The following EZH1 variants were observed in gnomAD, a reference collection of about 807,000 sequenced individuals.
EZH1 encodes the protein enhancer of zeste 1 polycomb repressive complex 2 subunit.
In EZH1, 33 loss-of-function variants were observed where a neutral mutation model predicts 100.5. That is an observed-to-expected ratio of 0.33 (90% CI 0.25 to 0.44). The LOEUF (loss-of-function observed/expected upper bound fraction) is 0.44. Ranked by LOEUF, EZH1 falls within the 20% of genes least tolerant of loss-of-function variation. EZH1 has a pLI of 1.00. For missense variants in EZH1, 475 were observed against 928.4 expected (o/e 0.51, Z 6.35); for synonymous variants, 272 against 313.8 (o/e 0.87, Z 1.41).
Position 42,706,226 on chromosome 17 carries a change from C to T in EZH1, c.1661-41G>A, listed in dbSNP as rs1414477526. On this transcript the variant is annotated intron_variant, in intron 15 of 20. Coordinates refer to ENST00000428826, the MANE Select transcript of EZH1 (RefSeq NM_001991.5). This position sits in a 1 kb window ranked among gnomAD's most constrained non-coding sequence, Gnocchi z 4.4. Reference sequence around the variant, plus strand: ...AGGTAAGTCTTAGAAGGGAAATAAGCTAATACTGGGGCTTGTGGTTGACTC... The same window carrying T: ...AGGTAAGTCTTAGAAGGGAAATAAGTTAATACTGGGGCTTGTGGTTGACTC... The T allele has an allele frequency of 1.3e-6, 2 of 1,549,600 alleles. No homozygotes were observed. Among genetic ancestry groups the T allele is most frequent in the East Asian group, 4.6e-5 (2 of 43,240 alleles).
At chr17:42,710,635 T>G (rs552427752) in intron 12 of EZH1, among the ~76,000 whole-genome samples, 102 of 150,512 alleles carry the variant, frequency 6.8e-4, no homozygotes, top group Admixed American at 1.5e-3. Flanking sequence ...GTTTGTTTTT[T>G]TTTTTTTTTT....
At position 42,708,877 on chromosome 17, in the gene EZH1, T is replaced by C; in HGVS notation, c.1533A>G (p.Lys511=). ...AAHCRKIQLK[K]DNSSTQVYNY... The stretch of plus-strand genomic sequence containing the variant: ...GAAGAATGCCCTGGTAGAACTTACC[T>C]TTCTTCAGCTGAATCTTCCTGCAGT... The change falls in exon 14 of 21, where the codon AAA becomes AAG. Residue 511 remains lysine, a splice_region_variant and synonymous_variant. Coordinates refer to ENST00000428826, the MANE Select transcript of EZH1 (RefSeq NM_001991.5). 6.2e-7 allele frequency: 1 copy of C among 1,614,172 alleles called. No individual in the cohort carries two copies. Among genetic ancestry groups the C allele is most frequent in the Non-Finnish European group, 8.5e-7 (1 of 1,180,034 alleles).
intron 6 of EZH1, among the ~76,000 whole-genome samples, chr17:42,721,438 T>C (rs946732502): frequency 1.3e-5 from 2 of 152,182 alleles, no homozygotes; most frequent in African/African-American, 4.8e-5. Context: ...CAAAGAAGTA[T>C]GACAGAGAGC....
intron 12 of EZH1, among the ~76,000 whole-genome samples, chr17:42,711,998 G>A (rs2053493025): frequency 6.6e-6 from 1 of 152,006 alleles, no homozygotes; most frequent in South Asian, 2.1e-4. Context: ...TAGAAAGGAG[G>A]CCAGAGCCAA....
At chr17:42,724,934 C>T (rs995287026) in intron 4 of EZH1, among the ~76,000 whole-genome samples, 1 of 151,980 alleles carries the variant, frequency 6.6e-6, no homozygotes, top group Non-Finnish European at 1.5e-5. Flanking sequence ...TTTGGGAGAC[C>T]GAGGCGGGTG....
intron 10 of EZH1, among the ~76,000 whole-genome samples, chr17:42,715,844 C>T (rs1231628568): frequency 1.3e-5 from 2 of 152,096 alleles, no homozygotes; most frequent in Admixed American, 1.3e-4. Flanking sequence ...GTTGGGAGTT[C>T]AAGACCAGCC....
intron 10 of EZH1, 53 bp downstream of exon 10, chr17:42,717,923 G>C: frequency 3.3e-6 from 5 of 1,528,064 alleles, no homozygotes; most frequent in Non-Finnish European, 4.5e-6. Flanking sequence ...TGGCTCACGT[G>C]GCTTGTGTTC....
Position 42,704,683 on chromosome 17 carries a change from G to C in EZH1, c.1936C>G (p.Leu646Val). The change falls in exon 18 of 21, where the codon CTC becomes GTC. Residue 646 changes from leucine to valine, a missense_variant and splice_region_variant. Coordinates refer to ENST00000428826, the MANE Select transcript of EZH1 (RefSeq NM_001991.5). ...NEFISEYCGE[L>V]ISQDEADRRG... ...CGATCAGCCTCATCCTGAGAGATGA[G>C]CTAGAGAGATAGACAAATAACAAAT... is the stretch of plus-strand genomic sequence containing the variant. 6.2e-7 allele frequency: 1 copy of C among 1,613,066 alleles called. No homozygotes were observed. Among genetic ancestry groups the C allele is most frequent in the Non-Finnish European group, 8.5e-7 (1 of 1,179,468 alleles).
chr17:42,703,113 TAG>T, intron 19 of EZH1, 152 bp from the exon 20 acceptor site: 1 of 672,168 alleles, frequency 1.5e-6, no homozygotes. Context: ...TCTATGCTTT[TAG>T]ATCTGTTATT....
At chr17:42,742,641 A>G (rs1224676347) in intron 1 of EZH1, among the ~76,000 whole-genome samples, 3 of 152,164 alleles carry the variant, frequency 2.0e-5, no homozygotes, top group Non-Finnish European at 2.9e-5. Flanking sequence ...CCACAAATAT[A>G]TGTTGAGCAC....
At chr17:42,728,319 G>GT (rs2053865593) in intron 3 of EZH1, among the ~76,000 whole-genome samples, 1 of 149,766 alleles carries the variant, frequency 6.7e-6, no homozygotes, top group African/African-American at 2.5e-5. Flanking sequence ...TCACCAGGTA[G>GT]GACAGGCTGG....
intron 4 of EZH1, among the ~76,000 whole-genome samples, chr17:42,726,577 T>C (rs2143824149): frequency 6.6e-6 from 1 of 151,924 alleles, no homozygotes; most frequent in East Asian, 1.9e-4. Flanking sequence ...AATGGTGCCA[T>C]CTCAGATCAC....
At chr17:42,711,221 C>T (rs1237170559) in intron 12 of EZH1, among the ~76,000 whole-genome samples, 1 of 151,834 alleles carries the variant, frequency 6.6e-6, no homozygotes, top group Non-Finnish European at 1.5e-5. Context: ...TGCCTGTAAT[C>T]CCAGCACTTT....
chr17:42,730,700 G>C (rs1424409270), intron 2 of EZH1, 128 bp downstream of exon 2: 10 of 199,634 alleles, frequency 5.0e-5, no homozygotes, highest in Non-Finnish European at 8.9e-6. Flanking sequence ...GTTTCACCGT[G>C]TTAGCCAGGA....
In EZH1 at chr17:42,718,621, T is replaced by C; in HGVS notation, c.768-4A>G. ...CATCTCTGTTAGTTCTCGATACCTA[T>C]TTAAGAAAAGAGAGATAAGAGTTCC... On this transcript the variant is annotated splice_polypyrimidine_tract_variant and splice_region_variant and intron_variant, in intron 8 of 20. Coordinates refer to ENST00000428826, the MANE Select transcript of EZH1 (RefSeq NM_001991.5). This position sits in a 1 kb window ranked among gnomAD's most constrained non-coding sequence, Gnocchi z 4.2. 6.2e-7 allele frequency: 1 copy of C among 1,613,986 alleles called. No homozygotes were observed. Among genetic ancestry groups the C allele is most frequent in the Non-Finnish European group, 8.5e-7 (1 of 1,179,938 alleles).
chr17:42,707,677 C>T (rs931357927), intron 15 of EZH1, among the ~76,000 whole-genome samples: 10 of 152,122 alleles, frequency 6.6e-5, no homozygotes, highest in East Asian at 1.9e-4. Flanking sequence ...TGAGTGACTG[C>T]GCCTGCTGCC....
chr17:42,721,126 C>CT (rs1321969881), intron 6 of EZH1, among the ~76,000 whole-genome samples: 1 of 152,212 alleles, frequency 6.6e-6, no homozygotes, highest in Non-Finnish European at 1.5e-5. Context: ...GTCTCTAAAT[C>CT]AAAAGACAGC....
In EZH1 at chr17:42,713,283, G is replaced by C; in HGVS notation, c.1130C>G (p.Ala377Gly). The C allele has an allele frequency of 6.2e-7, 1 of 1,614,084 alleles. No individual in the cohort carries two copies. The highest frequency in any genetic ancestry group is 8.5e-7 in the Non-Finnish European group (1 of 1,179,988). Residue 377 changes from alanine (A) to glycine (G), a missense_variant, in exon 11 of 21, where the codon GCC becomes GGC. This residue lies in a region of EZH1 where 180 missense variants were observed against 295.3 expected (regional missense o/e 0.61). Transcript: ENST00000428826. The stretch of plus-strand genomic sequence containing the variant: ...TTCTTTAGTCTCAGCCACAGCAGAG[G>C]CTGAGGCATTGGAGCAGGAAGCACT... ...IVSASCSNAS[A>G]SAVAETKEGD...
At chr17:42,719,045 G>T in intron 8 of EZH1, 60 bp downstream of exon 8, 2 of 1,283,856 alleles carry the variant, frequency 1.6e-6, no homozygotes, top group Non-Finnish European at 1.1e-6. Flanking sequence ...AAAATTAGGA[G>T]GGAATAAAGG....
Sources: gnomAD v4.1 joint callset for allele counts (sites outside exome capture counted in the v4.1 genomes callset) on GRCh38, gnomAD v4.1.1 for gene constraint, gnomAD v4.1.1 regional missense constraint, Gnocchi (gnomAD v3.1) non-coding constraint, MANE v1.5 for transcripts, NCBI Gene and HGNC (gene_info 2026-07-23, HGNC 2026-07-21) for gene names.